The following ACTR3C variants were observed in gnomAD, a reference collection of about 807,000 sequenced individuals.
ACTR3C encodes actin-related protein 3C.
ACTR3C carries 18 observed loss-of-function variants against 26.3 expected under a neutral mutation model. The observed-to-expected ratio is 0.68, with a 90% CI of 0.47 to 1.01. The LOEUF (loss-of-function observed/expected upper bound fraction) is 1.01, where lower values mean the gene tolerates loss of function less well. ACTR3C is among the 50% of genes least tolerant of loss of function. The pLI is 0.00. For missense variants in ACTR3C, 184 were observed against 250.7 expected (o/e 0.73, Z 1.80); for synonymous variants, 55 against 94.5 (o/e 0.58, Z 2.42).
the ACTR3C span, among the ~76,000 whole-genome samples, chr7:149,953,632 T>C: frequency 6.6e-6 from 1 of 152,230 alleles, no homozygotes; most frequent in African/African-American, 2.4e-5. Flanking sequence ...AAAAGACTTA[T>C]CTGGCAATCC....
At chr7:150,263,119 C>A (rs1366837028) in intron 6 of ACTR3C, among the ~76,000 whole-genome samples, 1 of 151,934 alleles carries the variant, frequency 6.6e-6, no homozygotes, top group African/African-American at 2.4e-5. Flanking sequence ...AAGAGATGAG[C>A]ACATTAAAGA....
At chr7:150,259,939 C>A (rs1446225280) in intron 6 of ACTR3C, among the ~76,000 whole-genome samples, 1 of 152,188 alleles carries the variant, frequency 6.6e-6, no homozygotes, top group Non-Finnish European at 1.5e-5. Context: ...ATCTTCCTCT[C>A]CTGGCATGTA....
chr7:150,082,958 T>TTC, the ACTR3C span, among the ~76,000 whole-genome samples: 1,105 of 145,210 alleles, frequency 7.6e-3, 5 homozygotes, highest in African/African-American at 0.027. Context: ...TTTTTTTTTT[T>TTC]TTTTCAGGAC....
chr7:150,153,828 G>A, the ACTR3C span, among the ~76,000 whole-genome samples: 1 of 110,170 alleles, frequency 9.1e-6, no homozygotes, highest in Non-Finnish European at 1.7e-5. Flanking sequence ...CAACCCAAAT[G>A]TCCAACAATG....
At chr7:150,143,797 TC>T in the ACTR3C span, among the ~76,000 whole-genome samples, 2 of 152,010 alleles carry the variant, frequency 1.3e-5, no homozygotes, top group Non-Finnish European at 2.9e-5. Context: ...CGACTCTTCA[TC>T]CCCCCGCTTA....
downstream of ACTR3C, among the ~76,000 whole-genome samples, chr7:150,243,745 A>G (rs1288184036): frequency 1.3e-5 from 2 of 152,080 alleles, no homozygotes; most frequent in Non-Finnish European, 1.5e-5. Context: ...GTTATGCCGG[A>G]TTGTTTAGGG....
chr7:150,252,608 T>C (rs1832932436), intron 6 of ACTR3C, among the ~76,000 whole-genome samples: 1 of 152,232 alleles, frequency 6.6e-6, no homozygotes, highest in Non-Finnish European at 1.5e-5. Flanking sequence ...AGTAATATGA[T>C]GCAATTTACA....
At chr7:150,199,617 A>T in the ACTR3C span, among the ~76,000 whole-genome samples, 170 of 126,390 alleles carry the variant, frequency 1.3e-3, 3 homozygotes, top group Middle Eastern at 0.019. Flanking sequence ...AAATAAATTT[A>T]AAAAAAAAAA....
rs1356635207 is a variant in ACTR3C, at chr7:150,321,894, G to A, written c.-52+1575C>T. Among the ~76,000 whole-genome samples the A allele has an allele frequency of 2.6e-5, 4 of 152,220 alleles. No homozygotes were observed. The East Asian group carries it at 7.7e-4, about 29-fold the overall frequency. ...AGGAGAAGGGTCATCTGAAAGATAT[G>A]GGAAAAGCTGAGGTTGCCCCTGGGA... is the stretch of plus-strand genomic sequence containing the variant. On this transcript the variant is annotated intron_variant, in intron 1 of 7. Coordinates refer to ENST00000683684, the MANE Select transcript of ACTR3C (RefSeq NM_001164458.2).
chr7:150,200,126 G>T, the ACTR3C span, among the ~76,000 whole-genome samples: 1 of 152,146 alleles, frequency 6.6e-6, no homozygotes, highest in Non-Finnish European at 1.5e-5. Context: ...TAATGAAGAA[G>T]AACCTTATTT....
chr7:149,998,159 C>A, the ACTR3C span, among the ~76,000 whole-genome samples: 2 of 150,774 alleles, frequency 1.3e-5, no homozygotes, highest in Admixed American at 1.3e-4. Flanking sequence ...GCACATCACC[C>A]TGTGGCAAGC....
At chr7:150,061,291 A>C in the ACTR3C span, among the ~76,000 whole-genome samples, 2 of 135,488 alleles carry the variant, frequency 1.5e-5, no homozygotes, top group African/African-American at 2.7e-5. Flanking sequence ...GCCTCAGATG[A>C]TCACTTCTGC....
At chr7:149,940,106 C>A in the ACTR3C span, among the ~76,000 whole-genome samples, 2 of 151,634 alleles carry the variant, frequency 1.3e-5, no homozygotes, top group African/African-American at 4.8e-5. Context: ...AATATAGACA[C>A]AATTCTTCAA....
the ACTR3C span, among the ~76,000 whole-genome samples, chr7:150,123,415 G>A: frequency 8.5e-5 from 13 of 152,170 alleles, no homozygotes; most frequent in African/African-American, 3.1e-4. Flanking sequence ...ACTGATTGTG[G>A]CAAAGGCTGC....
the ACTR3C span, among the ~76,000 whole-genome samples, chr7:150,016,667 T>C: frequency 6.6e-6 from 1 of 152,102 alleles, no homozygotes; most frequent in African/African-American, 2.4e-5. Flanking sequence ...AAGGTGAACT[T>C]ACAGACGGAG....
intron 1 of ACTR3C, among the ~76,000 whole-genome samples, chr7:150,305,097 TG>T (rs1247401013): frequency 2.0e-5 from 3 of 152,282 alleles, no homozygotes; most frequent in Admixed American, 6.5e-5. Flanking sequence ...ACAAACAATG[TG>T]TGCTTCCACA....
the ACTR3C span, among the ~76,000 whole-genome samples, chr7:149,954,391 C>CCCCAA: frequency 6.6e-6 from 1 of 152,108 alleles, no homozygotes; most frequent in Admixed American, 6.5e-5. Context: ...AATCCCCTGC[C>CCCCAA]CCCAACCTAA....
chr7:150,307,921 C>A (rs1382027016), intron 1 of ACTR3C, among the ~76,000 whole-genome samples: 1 of 152,226 alleles, frequency 6.6e-6, no homozygotes, highest in Non-Finnish European at 1.5e-5. Context: ...TCAATTTCCA[C>A]GTCACCCTTC....
At chr7:150,305,998 T>C (rs1206590570) in intron 1 of ACTR3C, among the ~76,000 whole-genome samples, 28 of 152,250 alleles carry the variant, frequency 1.8e-4, no homozygotes, top group Non-Finnish European at 7.4e-5. Context: ...TAAGGACAAA[T>C]ACCTGAAGGA....
Sources: gnomAD v4.1 joint callset for allele counts (sites outside exome capture counted in the v4.1 genomes callset) on GRCh38, gnomAD v4.1.1 for gene constraint, MANE v1.5 for transcripts, NCBI Gene and HGNC (gene_info 2026-07-23, HGNC 2026-07-21) for gene names.